Variants in ERBB3 observed in about 807,000 individuals in gnomAD.
The protein encoded by ERBB3 is receptor tyrosine-protein kinase erbB-3.
ERBB3 carries 96 observed loss-of-function variants against 156.7 expected under a neutral mutation model. That is an observed-to-expected ratio of 0.61 (90% CI 0.52 to 0.73). The LOEUF (loss-of-function observed/expected upper bound fraction) is 0.73. Among genes scored for constraint, ERBB3 ranks in the 30% least tolerant of loss-of-function variants. ERBB3 has a pLI of 0.00. For synonymous variants in ERBB3, 567 were observed against 632.0 expected, an observed-to-expected ratio of 0.90 and a Z score of 1.54; for missense variants, 1,406 against 1,709.4, an observed-to-expected ratio of 0.82 and a Z score of 3.13.
Position 56,097,203 on chromosome 12 carries a change from G to C in ERBB3, c.2433G>C (p.Leu811=). Residue 811 remains leucine (L), a synonymous_variant, in exon 20 of 28, where the codon CTG becomes CTC. Coordinates refer to ENST00000267101, the MANE Select transcript of ERBB3 (RefSeq NM_001982.4). ...QHRGALGPQL[L]LNWGVQIAKG... ...GGGGGGCACTGGGGCCACAGCTGCTGCTCAACTGGGGAGTACAAATTGCCA... is the reference window on the plus strand; with the variant it reads ...GGGGGGCACTGGGGCCACAGCTGCTCCTCAACTGGGGAGTACAAATTGCCA... 6.2e-7 allele frequency: 1 copy of C among 1,614,172 alleles called. No individual in the cohort carries two copies. Among genetic ancestry groups the C allele is most frequent in the Non-Finnish European group, 8.5e-7 (1 of 1,180,016 alleles).
At chr12:56,098,669 T>C in intron 22 of ERBB3, 90 bp from the exon 23 acceptor site, 8 of 1,586,310 alleles carry the variant, frequency 5.0e-6, no homozygotes, top group Non-Finnish European at 6.9e-6. Flanking sequence ...GCACTTCAGA[T>C]TTTTGTGTTA....
In ERBB3 at chr12:56,095,925, T is replaced by G. The variant is rs1403287892; in HGVS notation, c.2055+119T>G. 5 of 1,031,114 alleles carry G rather than the reference T, an allele frequency of 4.8e-6. No homozygotes were observed. In the East Asian group the frequency reaches 1.2e-4, roughly 25 times the overall value. The allele number at this position is 1,031,114 out of a possible 1,614,324, so 63.9% of individuals were successfully genotyped here. On this transcript the variant is annotated intron_variant, in intron 17 of 27. Transcript: ENST00000267101. ...CCAGGGGTCAGTGATGGGATAAATG[T>G]CACTCCCCTCCTCTTTCCCCAGAGA...
In ERBB3 at chr12:56,102,883, T is replaced by C. The variant is rs1344045710; in HGVS notation, c.*828T>C. 1 of 213,380 alleles carries C rather than the reference T, an allele frequency of 4.7e-6. No individual in the cohort carries two copies. Among genetic ancestry groups the C allele is most frequent in the East Asian group, 6.8e-5 (1 of 14,740 alleles). The allele number at this position is 213,380 out of a possible 1,614,324, so 13.2% of individuals were successfully genotyped here. On this transcript the variant is annotated 3_prime_UTR_variant, in exon 28 of 28. Coordinates refer to ENST00000267101, the MANE Select transcript of ERBB3 (RefSeq NM_001982.4). ...CATGCCTGTAATCCCAGCCAGCACTTTGGGAGGCTGAGATGGGAAGATCAC... is the reference window on the plus strand; with the variant it reads ...CATGCCTGTAATCCCAGCCAGCACTCTGGGAGGCTGAGATGGGAAGATCAC...
At position 56,098,120 on chromosome 12, in the gene ERBB3, A is replaced by T. The variant is rs1251057922; in HGVS notation, c.2616+180A>T. On this transcript the variant is annotated intron_variant, in intron 21 of 27. Transcript: ENST00000267101. ...ATAAAATAATGATCAAGAACTTGGG[A>T]CTGGCCGGGCGCGGTGGCTCACGCC... The T allele has an allele frequency of 7.4e-6, 5 of 674,512 alleles. No homozygotes were observed. The East Asian group carries it at 1.4e-4, about 19-fold the overall frequency. The allele number at this position is 674,512 out of a possible 1,614,324, so 41.8% of individuals were successfully genotyped here. A position where few individuals can be genotyped will look rare whatever the true frequency, so the allele number is the denominator to read the frequency against.
chr12:56,097,741 G>A (rs1565860612), intron 20 of ERBB3, 44 bp from the exon 21 acceptor site: 2 of 1,588,802 alleles, frequency 1.3e-6, no homozygotes. Flanking sequence ...CTCAGTGACT[G>A]ATTCCCCCAA....
At chr12:56,085,900 T>C (rs1300463343) in intron 3 of ERBB3, among the ~76,000 whole-genome samples, 2 of 150,834 alleles carry the variant, frequency 1.3e-5, no homozygotes, top group Admixed American at 6.6e-5. Flanking sequence ...AAACCCCGTC[T>C]CTACTAAAAA....
At chr12:56,081,389 T>A (rs1868352438) in intron 1 of ERBB3, among the ~76,000 whole-genome samples, 1 of 152,122 alleles carries the variant, frequency 6.6e-6, no homozygotes, top group Non-Finnish European at 1.5e-5. Context: ...GTGGATCTCC[T>A]CCCCTCCCCT....
chr12:56,100,074 C>T (rs2136826516), intron 25 of ERBB3, 45 bp downstream of exon 25: 1 of 1,604,558 alleles, frequency 6.2e-7, no homozygotes, highest in Non-Finnish European at 8.5e-7. Context: ...CCTGAGCCCT[C>T]ACAAACCCTA....
chr12:56,089,210 T>C, intron 9 of ERBB3: 1 of 453,756 alleles, frequency 2.2e-6, no homozygotes, highest in Non-Finnish European at 4.4e-6. Context: ...CTCGACTCAC[T>C]GTAGCCTCGA....
chr12:56,090,973 A>G (rs188555938), intron 9 of ERBB3, among the ~76,000 whole-genome samples: 83 of 152,006 alleles, frequency 5.5e-4, no homozygotes, highest in Non-Finnish European at 1.1e-3. Flanking sequence ...TGGCACTTCA[A>G]TCTCCTTTAT....
intron 1 of ERBB3, chr12:56,083,450 C>T: frequency 2.3e-6 from 1 of 426,340 alleles, no homozygotes; most frequent in South Asian, 2.2e-5. Context: ...AAACAAATTC[C>T]CTGTCTTCCT....
At chr12:56,089,420 GT>G (rs1306085226) in intron 9 of ERBB3, among the ~76,000 whole-genome samples, 2 of 152,066 alleles carry the variant, frequency 1.3e-5, no homozygotes, top group African/African-American at 4.8e-5. Flanking sequence ...CCTTCTTAAA[GT>G]TTTGTAAAAG....
Position 56,085,063 on chromosome 12 carries a change from C to T in ERBB3, c.303C>T (p.Asn101=), listed in dbSNP as rs755384403. 1.9e-6 allele frequency: 3 copies of T among 1,614,140 alleles called. No individual in the cohort carries two copies. Among genetic ancestry groups the T allele is most frequent in the Admixed American group, 1.7e-5 (1 of 60,008 alleles). The change falls in exon 3 of 28, where the codon AAC becomes AAT. Residue 101 remains asparagine (N), a synonymous_variant. Coordinates refer to ENST00000267101, the MANE Select transcript of ERBB3 (RefSeq NM_001982.4). The part of the protein sequence containing the change: ...MNEFSTLPLP[N]LRVVRGTQVY... The stretch of plus-strand genomic sequence containing the variant: ...AATTCTCTACTCTACCATTGCCCAA[C>T]CTCCGCGTGGTGCGAGGGACCCAGG...
Position 56,095,660 on chromosome 12 carries a change from C to G in ERBB3, c.1914-5C>G, listed in dbSNP as rs902763818. On this transcript the variant is annotated splice_polypyrimidine_tract_variant and splice_region_variant and intron_variant, in intron 16 of 27. Coordinates refer to ENST00000267101, the MANE Select transcript of ERBB3 (RefSeq NM_001982.4). ...GATAATGTTGGGTTTCTATATATCCCATAGCAAAACCCATCTGACAATGGC... is the reference window on the plus strand; with the variant it reads ...GATAATGTTGGGTTTCTATATATCCGATAGCAAAACCCATCTGACAATGGC... 6.2e-6 allele frequency: 10 copies of G among 1,613,936 alleles called. No homozygotes were observed. The highest frequency in any genetic ancestry group is 8.5e-6 in the Non-Finnish European group (10 of 1,179,970).
At chr12:56,088,504 C>G in intron 7 of ERBB3, 39 bp from the exon 8 acceptor site, 9 of 1,436,030 alleles carry the variant, frequency 6.3e-6, no homozygotes, top group African/African-American at 1.4e-5. Flanking sequence ...GGTGATGTTC[C>G]TCCCTCATCT....
At position 56,096,942 on chromosome 12, in the gene ERBB3, G is replaced by A. The variant is rs2136817952; in HGVS notation, c.2274+96G>A. 4.8e-6 allele frequency: 5 copies of A among 1,032,028 alleles called. 1 individual carries two copies. In the South Asian group the frequency reaches 5.0e-5, roughly 10 times the overall value. 63.9% of individuals were successfully genotyped at this position (1,032,028 alleles called of 1,614,324 possible). A position where few individuals can be genotyped will look rare whatever the true frequency, so the allele number is the denominator to read the frequency against. ...TCCTGTGCTTCTCAGCAGCTACTAT[G>A]TTAGCCAGAATGTTGGGGGTGGGGG... On this transcript the variant is annotated intron_variant, in intron 19 of 27. Coordinates refer to ENST00000267101, the MANE Select transcript of ERBB3 (RefSeq NM_001982.4).
At chr12:56,094,658 T>C in intron 15 of ERBB3, 102 bp downstream of exon 15, 5 of 1,410,370 alleles carry the variant, frequency 3.5e-6, no homozygotes, top group Non-Finnish European at 4.9e-6. Flanking sequence ...GATTCAAGAA[T>C]CACTCCCAGC....
chr12:56,092,698 A>G (rs773491347), intron 9 of ERBB3, 49 bp from the exon 10 acceptor site: 12 of 1,342,700 alleles, frequency 8.9e-6, no homozygotes, highest in Admixed American at 1.7e-5. Flanking sequence ...GCTCATTGCC[A>G]TTGAGTTATA....
At chr12:56,095,939 T>C (rs1032618156) in intron 17 of ERBB3, 133 bp downstream of exon 17, 3 of 926,126 alleles carry the variant, frequency 3.2e-6, no homozygotes, top group Middle Eastern at 2.5e-4. Context: ...TCCCCTCCTC[T>C]TTCCCCAGAG....
Sources: allele counts gnomAD v4.1 joint callset (sites outside exome capture counted in the v4.1 genomes callset), GRCh38; gene constraint gnomAD v4.1.1; transcripts MANE v1.5; gene names NCBI Gene and HGNC (gene_info 2026-07-23, HGNC 2026-07-21).